The following PWWP3A variants were observed in gnomAD, a reference collection of about 807,000 sequenced individuals.
PWWP3A encodes the protein PWWP domain containing 3A, DNA repair factor, also known as PWWP domain-containing DNA repair factor 3A.
A neutral mutation model predicts 79.0 loss-of-function variants in PWWP3A; 53 were observed. The observed-to-expected ratio is 0.67, with a 90% CI of 0.54 to 0.84. The LOEUF (loss-of-function observed/expected upper bound fraction) is 0.84, where lower values mean the gene tolerates loss of function less well. PWWP3A is among the 40% of genes least tolerant of loss of function. PWWP3A has a pLI of 0.00. For synonymous variants in PWWP3A, 443 were observed against 394.4 expected (o/e 1.12, Z -1.46); for missense variants, 973 against 948.0 (o/e 1.03, Z -0.35).
chr19:1,367,060 C>A, intron 8 of PWWP3A, 100 bp from the exon 9 acceptor site: 1 of 898,330 alleles, frequency 1.1e-6, no homozygotes, highest in Non-Finnish European at 1.7e-6. Flanking sequence ...CTGGTGGGGC[C>A]TCCAGCGGCC....
chr19:1,362,643 C>T (rs541072749), intron 6 of PWWP3A, among the ~76,000 whole-genome samples: 27 of 152,352 alleles, frequency 1.8e-4, no homozygotes, highest in African/African-American at 6.3e-4. Flanking sequence ...CCTGTCCCCT[C>T]GCGGGGAGTG....
At chr19:1,371,752 A>C (rs1028013528) in intron 12 of PWWP3A, among the ~76,000 whole-genome samples, 8 of 151,932 alleles carry the variant, frequency 5.3e-5, no homozygotes, top group African/African-American at 1.5e-4. Flanking sequence ...AATGAACTCT[A>C]ATGTGCCCAT....
chr19:1,373,253 G>C, intron 13 of PWWP3A, 93 bp downstream of exon 13: 1 of 1,111,138 alleles, frequency 9.0e-7, no homozygotes, highest in Non-Finnish European at 1.3e-6. Context: ...CCAGGCTGCC[G>C]CAGCCCCTCT....
At chr19:1,371,998 G>A (rs2082271706) in intron 12 of PWWP3A, 1 of 153,300 alleles carries the variant, frequency 6.5e-6, no homozygotes, top group African/African-American at 2.4e-5. Context: ...TAGAGACGGG[G>A]TTTCACCATG....
chr19:1,363,078 G>T (rs148420299), intron 6 of PWWP3A, among the ~76,000 whole-genome samples: 204 of 152,334 alleles, frequency 1.3e-3, no homozygotes, highest in African/African-American at 4.5e-3. Flanking sequence ...AGGTGAGGGG[G>T]CTTCTCACCC....
At position 1,371,013 on chromosome 19, in the gene PWWP3A, GC is replaced by G; in HGVS notation, c.1923del (p.Lys642ArgfsTer48). The stretch of plus-strand genomic sequence containing the variant: ...GCAGGGCGTCTACCAGGAGGTGGGG[GC>G]CAAGGTGCTCCAGCGCACCAACGGC... ...YLQGVYQEVG[A>X]KVLQRTNGDR... On this transcript the variant is annotated frameshift_variant, in exon 12 of 14. Transcript: ENST00000591337. LOFTEE classifies it high-confidence loss of function. 2 of 1,573,654 alleles carry G rather than the reference GC, an allele frequency of 1.3e-6. No individual in the cohort carries two copies. Among genetic ancestry groups the G allele is most frequent in the Non-Finnish European group, 1.7e-6 (2 of 1,159,360 alleles).
At chr19:1,375,633 TATTATATAATATATA>T (rs1330203027) in intron 13 of PWWP3A, among the ~76,000 whole-genome samples, 265 of 7,162 alleles carry the variant, frequency 0.037, 1 homozygote, top group Middle Eastern at 0.062. Context: ...CAATTTTATA[TATTATATAATATATA>T]ATTGTATATA....
At position 1,354,974 on chromosome 19, in the gene PWWP3A, C is replaced by T. The variant is rs1786560516; in HGVS notation, c.-231C>T. 1.5e-5 allele frequency: 2 copies of T among 133,734 alleles called. No homozygotes were observed. The highest frequency in any genetic ancestry group is 5.7e-5 in the African/African-American group (2 of 35,392). The allele number at this position is 133,734 out of a possible 1,614,324, so 8.3% of individuals were successfully genotyped here. A position where few individuals can be genotyped will look rare whatever the true frequency, so the allele number is the denominator to read the frequency against. ...GCCGCGAGGCAAGCCCCGCCCCCGG[C>T]CCCGCGGGGAGCGGCGGCGGCGGCG... On this transcript the variant is annotated 5_prime_UTR_variant, in exon 1 of 14. Coordinates refer to ENST00000591337, the MANE Select transcript of PWWP3A (RefSeq NM_001369789.1).
At chr19:1,357,154 C>G (rs2144688925) in intron 3 of PWWP3A, 60 bp downstream of exon 3, 1 of 1,278,940 alleles carries the variant, frequency 7.8e-7, no homozygotes, top group African/African-American at 1.5e-5. Flanking sequence ...ATACTTCAAT[C>G]CCCTACTCCC....
At chr19:1,356,858 C>T in intron 2 of PWWP3A, 151 bp from the exon 3 acceptor site, 3 of 644,992 alleles carry the variant, frequency 4.7e-6, no homozygotes, top group Non-Finnish European at 8.1e-6. Context: ...TCAGTTTCCC[C>T]ATCTGTGAAA....
rs368870399 is a variant in PWWP3A at position 1,373,017 on chromosome 19, A to T, written c.1987-55A>T. On this transcript the variant is annotated intron_variant, in intron 12 of 13. Coordinates refer to ENST00000591337, the MANE Select transcript of PWWP3A (RefSeq NM_001369789.1). Reference sequence around the variant, plus strand: ...CCTGCGGCCTTCTTAACCGCAGGCCACTTGGGGCCAGTTGGGCAGTGCCTG... The same window carrying T: ...CCTGCGGCCTTCTTAACCGCAGGCCTCTTGGGGCCAGTTGGGCAGTGCCTG... 11 of 1,547,818 alleles carry T rather than the reference A, an allele frequency of 7.1e-6. No individual in the cohort carries two copies. The African/African-American group carries it at 1.4e-4, about 19-fold the overall frequency.
In PWWP3A at chr19:1,357,107, G is replaced by A; in HGVS notation, c.143+13G>A. 6.3e-7 allele frequency: 1 copy of A among 1,590,730 alleles called. No individual in the cohort carries two copies. The highest frequency in any genetic ancestry group is 8.6e-7 in the Non-Finnish European group (1 of 1,163,702). ...CTCTAGAGGAAAAGTTAAGTGTTGTGTTGTTTTAATACTGTTTTTTCCCGT... is the reference window on the plus strand; with the variant it reads ...CTCTAGAGGAAAAGTTAAGTGTTGTATTGTTTTAATACTGTTTTTTCCCGT... On this transcript the variant is annotated intron_variant, in intron 3 of 13. Transcript: ENST00000591337.
rs1033025083 is a variant in PWWP3A, at chr19:1,369,972, G to C, written c.1549+326G>C. ...AGGCCAGGTGCGGAGGCTCACACCT[G>C]TAATCCCAGCACTTTGGGAGGCTGA... On this transcript the variant is annotated intron_variant, in intron 11 of 13. Transcript: ENST00000591337. This position sits in a 1 kb window ranked among gnomAD's most constrained non-coding sequence, Gnocchi z 4.0. 6.6e-6 allele frequency among the ~76,000 whole-genome samples: 1 copy of C among 152,220 alleles called. No individual in the cohort carries two copies. The highest frequency in any genetic ancestry group is 1.5e-5 in the Non-Finnish European group (1 of 68,038).
chr19:1,363,381 C>G (rs1426888257), intron 6 of PWWP3A, among the ~76,000 whole-genome samples: 1 of 152,258 alleles, frequency 6.6e-6, no homozygotes. Context: ...CTCACCAAAC[C>G]CTGCCCCACC....
chr19:1,360,943 G>A lies in PWWP3A; in HGVS notation c.1022G>A (p.Ser341Asn). Residue 341 changes from serine to asparagine, a missense_variant, in exon 5 of 14, where the codon AGC (serine) becomes AAC (asparagine). By Grantham distance (46) the Ser-to-Asn change is conservative. Transcript: ENST00000591337. The surrounding 1 kb of genome is among the most constrained non-coding windows in gnomAD (Gnocchi z 4.4). The part of the protein sequence containing the change: ...PGPRESVTPR[S>N]TARLGPPPSH... ...CCCAGAGAGTCTGTGACCCCGCGCAGCACCGCCAGGCTGGGCCCGCCTCCC... is the reference window on the plus strand; with the variant it reads ...CCCAGAGAGTCTGTGACCCCGCGCAACACCGCCAGGCTGGGCCCGCCTCCC... 1 of 1,499,270 alleles carries A rather than the reference G, an allele frequency of 6.7e-7. No individual in the cohort carries two copies. Among genetic ancestry groups the A allele is most frequent in the Non-Finnish European group, 8.9e-7 (1 of 1,123,852 alleles). The allele number at this position is 1,499,270 out of a possible 1,614,324, so 92.9% of individuals were successfully genotyped here. A position where few individuals can be genotyped will look rare whatever the true frequency, so the allele number is the denominator to read the frequency against.
At position 1,373,195 on chromosome 19, in the gene PWWP3A, C is replaced by A. The variant is rs199643533; in HGVS notation, c.2075+35C>A. ...TCCCGGCGCTATCTCCAGCCACTTG[C>A]GTCTCTGCCTTGCAGTTTCTATTTC... On this transcript the variant is annotated intron_variant, in intron 13 of 13. Coordinates refer to ENST00000591337, the MANE Select transcript of PWWP3A (RefSeq NM_001369789.1). 6.3e-5 allele frequency: 99 copies of A among 1,580,492 alleles called. No individual in the cohort carries two copies. The African/African-American group carries it at 1.2e-3, about 18-fold the overall frequency.
intron 5 of PWWP3A, 33 bp from the exon 6 acceptor site, chr19:1,362,217 G>T: frequency 6.4e-7 from 1 of 1,567,208 alleles, no homozygotes; most frequent in South Asian, 1.1e-5. Flanking sequence ...ACAATGCAAT[G>T]ACCATGAAAG....
chr19:1,371,414 G>C, intron 12 of PWWP3A: 2 of 702,322 alleles, frequency 2.8e-6, no homozygotes, highest in Non-Finnish European at 5.2e-6. Context: ...AACCCACTGC[G>C]AGTTGGAAAT....
chr19:1,363,503 T>G (rs1237080671), intron 6 of PWWP3A, among the ~76,000 whole-genome samples: 1 of 152,208 alleles, frequency 6.6e-6, no homozygotes, highest in Admixed American at 6.5e-5. Context: ...AAGAGCACAG[T>G]GCCCTCGGGA....
Sources: allele counts gnomAD v4.1 joint callset (sites outside exome capture counted in the v4.1 genomes callset), GRCh38; gene constraint gnomAD v4.1.1; non-coding constraint Gnocchi (gnomAD v3.1); transcripts MANE v1.5; gene names NCBI Gene and HGNC (gene_info 2026-07-23, HGNC 2026-07-21).